ASIC2: variants seen among roughly 807,000 people sequenced by gnomAD.
ASIC2 encodes acid-sensing ion channel 2.
A neutral mutation model predicts 57.3 loss-of-function variants in ASIC2; 25 were observed. The observed-to-expected ratio is 0.44, with a 90% CI of 0.32 to 0.61. ASIC2 has a LOEUF of 0.61. Ranked by LOEUF, ASIC2 falls within the 20% of genes least tolerant of loss-of-function variation. The pLI, the probability that ASIC2 is intolerant of heterozygous loss-of-function variation, is 0.06. For synonymous variants in ASIC2, 319 were observed against 307.5 expected, an observed-to-expected ratio of 1.04 and a Z score of -0.39; for missense variants, 641 against 738.1, an observed-to-expected ratio of 0.87 and a Z score of 1.52.
chr17:33,529,260 C>T (rs916736267), intron 1 of ASIC2, among the ~76,000 whole-genome samples: 8 of 152,132 alleles, frequency 5.3e-5, no homozygotes, highest in African/African-American at 4.8e-5. Context: ...ATGCCCGAGC[C>T]CCACTTCACT....
At chr17:33,757,574 G>A (rs2099803991) in intron 1 of ASIC2, among the ~76,000 whole-genome samples, 1 of 152,176 alleles carries the variant, frequency 6.6e-6, no homozygotes, top group South Asian at 2.1e-4. Flanking sequence ...CCAAACAGGA[G>A]GTGGGGGCAC....
At chr17:33,171,427 T>C (rs1185731061) in intron 1 of ASIC2, among the ~76,000 whole-genome samples, 1 of 152,234 alleles carries the variant, frequency 6.6e-6, no homozygotes, top group Non-Finnish European at 1.5e-5. Context: ...ACACATCCAG[T>C]TGCACAAGTG....
At chr17:33,862,046 C>T (rs1045747553) in intron 1 of ASIC2, among the ~76,000 whole-genome samples, 2 of 152,182 alleles carry the variant, frequency 1.3e-5, no homozygotes, top group African/African-American at 4.8e-5. Flanking sequence ...TCTGAACAAA[C>T]TTCACAGGTC....
intron 1 of ASIC2, among the ~76,000 whole-genome samples, chr17:33,485,334 C>G (rs902716365): frequency 2.0e-5 from 3 of 152,192 alleles, no homozygotes; most frequent in Non-Finnish European, 4.4e-5. Context: ...AAGCCAATAG[C>G]CAGTGAGAAT....
At chr17:33,796,025 A>G (rs1911908324) in intron 1 of ASIC2, among the ~76,000 whole-genome samples, 1 of 152,262 alleles carries the variant, frequency 6.6e-6, no homozygotes, top group Admixed American at 6.5e-5. Context: ...GGTTGACTGC[A>G]TATGCCTTTA....
rs1597792342 is a variant in ASIC2 at position 33,576,418 on chromosome 17, A to G, written c.556-464351T>C. Among the ~76,000 whole-genome samples, 3 of 152,202 alleles carry G rather than the reference A, an allele frequency of 2.0e-5. No homozygotes were observed. In the East Asian group the frequency reaches 5.8e-4, roughly 29 times the overall value. On this transcript the variant is annotated intron_variant, in intron 1 of 9. Transcript: ENST00000359872. ...GAGCCCCTAGTATGTTGCCTAGCAC[A>G]TAGCAGGCACCCTCATTCCCTCCTG...
intron 1 of ASIC2, among the ~76,000 whole-genome samples, chr17:33,437,700 G>A (rs1265054888): frequency 1.3e-5 from 2 of 152,124 alleles, no homozygotes; most frequent in African/African-American, 2.4e-5. Context: ...GGAGGCTGAG[G>A]CACAAGAATC....
At chr17:33,851,850 A>G (rs1408417339) in intron 1 of ASIC2, among the ~76,000 whole-genome samples, 3 of 152,226 alleles carry the variant, frequency 2.0e-5, no homozygotes, top group Admixed American at 6.5e-5. Context: ...CAGCTTGTTT[A>G]TCTCCCAAAT....
At chr17:33,742,590 T>C (rs1910144228) in intron 1 of ASIC2, among the ~76,000 whole-genome samples, 1 of 152,080 alleles carries the variant, frequency 6.6e-6, no homozygotes, top group African/African-American at 2.4e-5. Flanking sequence ...GGTAGACAAA[T>C]GAATGGATAA....
intron 1 of ASIC2, chr17:33,635,070 T>G (rs780066404): frequency 6.6e-6 from 1 of 152,196 alleles, no homozygotes; most frequent in Non-Finnish European, 1.5e-5. Context: ...GAAGTAAATA[T>G]TATAAACAAA....
intron 1 of ASIC2, among the ~76,000 whole-genome samples, chr17:33,706,626 G>T (rs1246338785): frequency 6.6e-6 from 1 of 152,022 alleles, no homozygotes; most frequent in African/African-American, 2.4e-5. Flanking sequence ...ACAACCTTTT[G>T]TTTTTTCTGG....
intron 1 of ASIC2, among the ~76,000 whole-genome samples, chr17:33,206,538 G>A (rs1236647911): frequency 1.3e-5 from 2 of 152,192 alleles, no homozygotes; most frequent in African/African-American, 4.8e-5. Context: ...GATGAATTAT[G>A]AGTATAGGCC....
intron 1 of ASIC2, among the ~76,000 whole-genome samples, chr17:33,465,894 A>T (rs989979214): frequency 2.6e-5 from 4 of 152,162 alleles, no homozygotes; most frequent in Non-Finnish European, 5.9e-5. Context: ...TTTTCTTGGT[A>T]GCTGTTGGAT....
intron 1 of ASIC2, among the ~76,000 whole-genome samples, chr17:34,087,471 C>T (rs189450181): frequency 2.2e-3 from 339 of 152,262 alleles, no homozygotes; most frequent in African/African-American, 7.7e-3. Context: ...CTGCCCTTAA[C>T]ATTTTTTCCT....
intron 1 of ASIC2, among the ~76,000 whole-genome samples, chr17:33,267,156 A>G (rs912695692): frequency 6.6e-6 from 1 of 152,160 alleles, no homozygotes; most frequent in South Asian, 2.1e-4. Context: ...CCTTTGTTTC[A>G]TTAAACAACC....
In ASIC2 at chr17:33,080,630, T is replaced by A. The variant is rs147797838; in HGVS notation, c.987+8233A>T. Among the ~76,000 whole-genome samples, 249 of 152,152 alleles carry A rather than the reference T, an allele frequency of 1.6e-3. 2 individuals are homozygous for A. Among genetic ancestry groups the A allele is most frequent in the Non-Finnish European group, 3.0e-3 (207 of 68,012 alleles). ...GTAAGAGATAAACAAAAATAACTAA[T>A]AACAAAACAGAACAATTATAACAAT... is the stretch of plus-strand genomic sequence containing the variant. On this transcript the variant is annotated intron_variant, in intron 3 of 9. Transcript: ENST00000225823.
At chr17:33,454,265 A>G (rs1468442699) in intron 1 of ASIC2, among the ~76,000 whole-genome samples, 2 of 152,222 alleles carry the variant, frequency 1.3e-5, no homozygotes, top group East Asian at 3.8e-4. Flanking sequence ...TTCACTGTCC[A>G]CTATGTTGAT....
intron 1 of ASIC2, among the ~76,000 whole-genome samples, chr17:33,978,051 G>A (rs1905460542): frequency 6.6e-6 from 1 of 152,170 alleles, no homozygotes; most frequent in African/African-American, 2.4e-5. Context: ...CTTGAAGGTG[G>A]GGCAGGAAAG....
At position 33,756,670 on chromosome 17, in the gene ASIC2, G is replaced by A. The variant is rs911911450; in HGVS notation, c.555+399308C>T. Among the ~76,000 whole-genome samples the A allele has an allele frequency of 3.9e-4, 59 of 152,158 alleles. 1 individual carries two copies. The highest frequency in any genetic ancestry group is 1.6e-4 in the Non-Finnish European group (11 of 68,022). On this transcript the variant is annotated intron_variant, in intron 1 of 9. Coordinates refer to the ASIC2 transcript ENST00000359872. Reference sequence around the variant, plus strand: ...CTGCCCCTGCCAGCAGAGACTCTGAGGTAGGAAAGTTACTAAACACTTAGA... The same window carrying A: ...CTGCCCCTGCCAGCAGAGACTCTGAAGTAGGAAAGTTACTAAACACTTAGA...
Sources: allele counts gnomAD v4.1 joint callset (sites outside exome capture counted in the v4.1 genomes callset), GRCh38; gene constraint gnomAD v4.1.1; transcripts MANE v1.5; gene names NCBI Gene and HGNC (gene_info 2026-07-23, HGNC 2026-07-21).